KCNMA1: variants seen among roughly 807,000 people sequenced by gnomAD.
The protein encoded by KCNMA1 is potassium calcium-activated channel subfamily M alpha 1.
KCNMA1 carries 29 observed loss-of-function variants against 140.0 expected under a neutral mutation model. That is an observed-to-expected ratio of 0.21 (90% CI 0.15 to 0.28). The LOEUF (loss-of-function observed/expected upper bound fraction) is 0.28. Ranked by LOEUF, KCNMA1 falls within the 10% of genes least tolerant of loss-of-function variation. The probability of loss-of-function intolerance (pLI) is 1.00; values close to 1 mark genes in which losing one functional copy is unlikely to be tolerated. For synonymous variants in KCNMA1, 612 were observed against 611.9 expected (o/e 1.00, Z 0.00); for missense variants, 880 against 1,602.2 (o/e 0.55, Z 7.70).
chr10:77,163,960 G>T (rs1027556346), intron 5 of KCNMA1, among the ~76,000 whole-genome samples: 3 of 152,172 alleles, frequency 2.0e-5, no homozygotes, highest in Non-Finnish European at 4.4e-5. Context: ...ACAAATGAAA[G>T]AATTAATTCA....
At chr10:77,628,323 G>T (rs1395041150) in intron 1 of KCNMA1, among the ~76,000 whole-genome samples, 1 of 152,188 alleles carries the variant, frequency 6.6e-6, no homozygotes, top group East Asian at 1.9e-4. Context: ...CCAGACTTCA[G>T]CAGTTAACAG....
chr10:77,613,568 G>A (rs1413399096), intron 1 of KCNMA1, among the ~76,000 whole-genome samples: 1 of 151,900 alleles, frequency 6.6e-6, no homozygotes, highest in East Asian at 1.9e-4. Context: ...CAACACTGGT[G>A]TACACGGAGG....
intron 2 of KCNMA1, among the ~76,000 whole-genome samples, chr10:77,325,196 C>G (rs911317447): frequency 6.6e-6 from 1 of 152,168 alleles, no homozygotes; most frequent in Non-Finnish European, 1.5e-5. Flanking sequence ...TAAACAGATT[C>G]ACCCTTTTGC....
At chr10:77,041,684 C>T (rs1375335390) in intron 14 of KCNMA1, among the ~76,000 whole-genome samples, 1 of 152,170 alleles carries the variant, frequency 6.6e-6, no homozygotes, top group African/African-American at 2.4e-5. Flanking sequence ...TCTCACAGGC[C>T]TCCCTGAGGG....
intron 1 of KCNMA1, among the ~76,000 whole-genome samples, chr10:77,466,911 GAA>G (rs2098031890): frequency 9.9e-6 from 1 of 100,680 alleles, no homozygotes; most frequent in South Asian, 4.4e-4. Context: ...GGACCTGAAA[GAA>G]AGAAAAAAGG....
At chr10:77,406,248 T>C (rs918429622) in intron 1 of KCNMA1, among the ~76,000 whole-genome samples, 1 of 152,068 alleles carries the variant, frequency 6.6e-6, no homozygotes, top group Non-Finnish European at 1.5e-5. Flanking sequence ...GAGGCCCTGA[T>C]ACAGGGTCAA....
At chr10:76,928,442 T>C (rs1286006431) in intron 23 of KCNMA1, among the ~76,000 whole-genome samples, 1 of 152,106 alleles carries the variant, frequency 6.6e-6, no homozygotes, top group Non-Finnish European at 1.5e-5. Context: ...CACTGGCCAA[T>C]GCTTGGTGTG....
At chr10:77,582,464 C>T (rs555893966) in intron 1 of KCNMA1, among the ~76,000 whole-genome samples, 5 of 152,288 alleles carry the variant, frequency 3.3e-5, no homozygotes, top group East Asian at 3.9e-4. Flanking sequence ...CTAATGCAAG[C>T]GGGGCTTAAA....
At chr10:77,602,317 T>C (rs1322415135) in intron 1 of KCNMA1, among the ~76,000 whole-genome samples, 1 of 152,114 alleles carries the variant, frequency 6.6e-6, no homozygotes, top group Non-Finnish European at 1.5e-5. Context: ...GGCCACCTAT[T>C]GTATGAGCAC....
intron 20 of KCNMA1, among the ~76,000 whole-genome samples, chr10:76,957,732 T>G (rs1013995695): frequency 3.3e-5 from 5 of 152,028 alleles, no homozygotes; most frequent in African/African-American, 1.2e-4. Context: ...GAGCCCTGAG[T>G]AGGTAAAGAA....
intron 1 of KCNMA1, among the ~76,000 whole-genome samples, chr10:77,461,250 G>A (rs1409928904): frequency 3.4e-5 from 5 of 146,398 alleles, no homozygotes; most frequent in Non-Finnish European, 7.5e-5. Context: ...TCAAAAAAGA[G>A]GCCTCCCTGG....
chr10:77,149,209 G>A (rs537247014), intron 5 of KCNMA1, among the ~76,000 whole-genome samples: 6 of 152,226 alleles, frequency 3.9e-5, no homozygotes, highest in South Asian at 2.1e-4. Context: ...AGGACTTGAC[G>A]ATCTATTTAA....
At chr10:76,940,778 T>C (rs927241334) in intron 23 of KCNMA1, among the ~76,000 whole-genome samples, 2 of 151,632 alleles carry the variant, frequency 1.3e-5, no homozygotes, top group African/African-American at 2.4e-5. Context: ...CTGGCCAACA[T>C]AGTGAAACTC....
chr10:77,263,837 C>T (rs1426126190), intron 2 of KCNMA1, among the ~76,000 whole-genome samples: 1 of 152,112 alleles, frequency 6.6e-6, no homozygotes, highest in African/African-American at 2.4e-5. Context: ...TAACAATGGA[C>T]TGGGCTTGCT....
intron 1 of KCNMA1, among the ~76,000 whole-genome samples, chr10:77,524,522 T>C (rs2054819782): frequency 6.6e-6 from 1 of 152,180 alleles, no homozygotes; most frequent in Admixed American, 6.5e-5. Context: ...GTTTTGAAGT[T>C]TCTGACACTC....
chr10:76,927,645 C>G (rs1032851352), intron 23 of KCNMA1, among the ~76,000 whole-genome samples: 1 of 152,174 alleles, frequency 6.6e-6, no homozygotes, highest in Non-Finnish European at 1.5e-5. Context: ...AGAGAAAGCC[C>G]TTTCTACATG....
intron 1 of KCNMA1, among the ~76,000 whole-genome samples, chr10:77,464,846 T>G (rs1166690329): frequency 6.6e-6 from 1 of 152,220 alleles, no homozygotes; most frequent in Admixed American, 6.5e-5. Flanking sequence ...TGGGAGGATA[T>G]GATATCACAA....
intron 3 of KCNMA1, among the ~76,000 whole-genome samples, chr10:77,237,549 C>G (rs2055936178): frequency 6.6e-6 from 1 of 152,196 alleles, no homozygotes; most frequent in Non-Finnish European, 1.5e-5. Context: ...CCTCAAACTC[C>G]TGTGCTGAAG....
chr10:77,198,838 T>C (rs2041562449), intron 3 of KCNMA1, among the ~76,000 whole-genome samples: 1 of 152,128 alleles, frequency 6.6e-6, no homozygotes, highest in African/African-American at 2.4e-5. Context: ...TGCCTCCTAG[T>C]TCTGACAGGG....
Sources: allele counts gnomAD v4.1 joint callset (sites outside exome capture counted in the v4.1 genomes callset), GRCh38; gene constraint gnomAD v4.1.1; transcripts MANE v1.5; gene names NCBI Gene and HGNC (gene_info 2026-07-23, HGNC 2026-07-21).